The following TAL1 variants were observed in gnomAD, a reference collection of about 807,000 sequenced individuals.
TAL1 encodes TAL bHLH transcription factor 1, erythroid differentiation factor.
Under a neutral mutation model 17.9 loss-of-function variants are expected in TAL1, and 8 were observed. The observed-to-expected ratio is 0.45, with a 90% confidence interval of 0.26 to 0.81. The LOEUF (loss-of-function observed/expected upper bound fraction) is 0.81, where lower values mean the gene tolerates loss of function less well. Ranked by LOEUF, TAL1 falls within the 30% of genes least tolerant of loss-of-function variation. The probability of loss-of-function intolerance (pLI) is 0.17; values close to 1 mark genes in which losing one functional copy is unlikely to be tolerated. For missense variants in TAL1, 466 were observed against 486.9 expected (o/e 0.96, Z 0.40); for synonymous variants, 223 against 218.6 (o/e 1.02, Z -0.18).
chr1:47,228,237 T>C, intron 1 of TAL1: 1 of 171,600 alleles, frequency 5.8e-6, no homozygotes, highest in Non-Finnish European at 1.3e-5. Flanking sequence ...TCCTGCCGGT[T>C]TAGGATTACC....
At position 47,223,927 on chromosome 1, in the gene TAL1, G is replaced by A. The variant is rs967234149; in HGVS notation, c.541+77C>T. The A allele has an allele frequency of 1.2e-5, 17 of 1,390,008 alleles. 1 individual carries two copies. In the African/African-American group the frequency reaches 1.4e-4, roughly 12 times the overall value. 86.1% of individuals were successfully genotyped at this position (1,390,008 alleles called of 1,614,324 possible). A position where few individuals can be genotyped will look rare whatever the true frequency, so the allele number is the denominator to read the frequency against. ...ATCTTTGTGAGATACCTACGGAGTAGTCCCAGATGTTCCCTCCTCCAGAGG... is the reference window on the plus strand; with the variant it reads ...ATCTTTGTGAGATACCTACGGAGTAATCCCAGATGTTCCCTCCTCCAGAGG... On this transcript the variant is annotated intron_variant, in intron 3 of 3. Transcript: ENST00000294339.
Position 47,217,004 on chromosome 1 carries a change from T to C in TAL1, c.*2716A>G, listed in dbSNP as rs1424282444. 1.3e-5 allele frequency: 3 copies of C among 231,772 alleles called. No individual in the cohort carries two copies. The East Asian group carries it at 1.8e-4, about 14-fold the overall frequency. The allele number at this position is 231,772 out of a possible 1,614,324, so 14.4% of individuals were successfully genotyped here. A position where few individuals can be genotyped will look rare whatever the true frequency, so the allele number is the denominator to read the frequency against. On this transcript the variant is annotated 3_prime_UTR_variant, in exon 4 of 4. Coordinates refer to ENST00000294339, the Ensembl canonical transcript of TAL1. Reference sequence around the variant, plus strand: ...CCAGGCTTGTTTTGGGTAGTTGCATTACATTTTACACAGTCTGCCAGTGTT... The same window carrying C: ...CCAGGCTTGTTTTGGGTAGTTGCATCACATTTTACACAGTCTGCCAGTGTT...
chr1:47,218,506 C>T (rs1645544268), exon 4 of TAL1: 1 of 232,814 alleles, frequency 4.3e-6, no homozygotes, highest in Non-Finnish European at 8.5e-6. Flanking sequence ...CCAGACGCAC[C>T]CTTGATGACC....
At chr1:47,219,581 C>T (rs779625727) in exon 4 of TAL1, 1 of 1,395,780 alleles carries the variant, frequency 7.2e-7, no homozygotes, top group Non-Finnish European at 9.8e-7. Flanking sequence ...TAAAGGCTTC[C>T]CAAAGTTCAG....
chr1:47,218,652 C>T lies in TAL1; in HGVS notation c.*1068G>A, dbSNP rs745512545. On this transcript the variant is annotated 3_prime_UTR_variant, in exon 4 of 4. Coordinates refer to ENST00000294339, the Ensembl canonical transcript of TAL1. ...GGCTGGATCCTGGTCCTATTGAGCGCTAAAGATTCCACCAATAACTGAAGT... is the reference window on the plus strand; with the variant it reads ...GGCTGGATCCTGGTCCTATTGAGCGTTAAAGATTCCACCAATAACTGAAGT... 1.5e-4 allele frequency: 36 copies of T among 232,870 alleles called. No individual in the cohort carries two copies. In the South Asian group the frequency reaches 2.0e-3, roughly 13 times the overall value. 14.4% of individuals were successfully genotyped at this position (232,870 alleles called of 1,614,324 possible). A position where few individuals can be genotyped will look rare whatever the true frequency, so the allele number is the denominator to read the frequency against.
chr1:47,225,447 C>A (rs1643892260), exon 2 of TAL1: 1 of 1,231,382 alleles, frequency 8.1e-7, no homozygotes, highest in East Asian at 3.2e-5. Flanking sequence ...CCTGACCTGC[C>A]GAGAGAGGCC....
At chr1:47,219,465 G>A (rs1280113588) in exon 4 of TAL1, 1 of 682,632 alleles carries the variant, frequency 1.5e-6, no homozygotes, top group Admixed American at 2.0e-5. Context: ...TGGGACTGAG[G>A]GAAGAGGGAA....
chr1:47,217,387 TCACACA>T (rs143131127), exon 4 of TAL1: 2 of 353,222 alleles, frequency 5.7e-6, no homozygotes, highest in Non-Finnish European at 1.0e-5. Context: ...ACACCGTCTC[TCACACA>T]CACACACACA....
At chr1:47,228,407 C>G in intron 1 of TAL1, 1 of 193,630 alleles carries the variant, frequency 5.2e-6, no homozygotes, top group Non-Finnish European at 1.1e-5. Flanking sequence ...TAGACTGAAT[C>G]GTTCTAGAGT....
exon 4 of TAL1, chr1:47,220,068 T>A: frequency 6.2e-7 from 1 of 1,613,912 alleles, no homozygotes; most frequent in Non-Finnish European, 8.5e-7. Flanking sequence ...CCGGGGGATG[T>A]GTGGGGATCA....
At chr1:47,217,889 C>T (rs1444159912) in exon 4 of TAL1, 1 of 397,466 alleles carries the variant, frequency 2.5e-6, no homozygotes, top group East Asian at 3.6e-5. Flanking sequence ...GGAACCAACC[C>T]TAATTTTCAC....
chr1:47,226,145 C>T, intron 1 of TAL1: 1 of 464,622 alleles, frequency 2.2e-6, no homozygotes, highest in Non-Finnish European at 3.8e-6. Context: ...GCCAAAAGGA[C>T]AGAGATGGAG....
chr1:47,218,427 G>T (rs190651980), exon 4 of TAL1: 3 of 232,734 alleles, frequency 1.3e-5, no homozygotes, highest in Non-Finnish European at 2.5e-5. Context: ...GAAGGATAAG[G>T]ATGTGATTTA....
At chr1:47,221,334 C>T (rs937331300) in intron 3 of TAL1, among the ~76,000 whole-genome samples, 2 of 152,210 alleles carry the variant, frequency 1.3e-5, no homozygotes, top group Non-Finnish European at 2.9e-5. Context: ...TCAGTCTCCT[C>T]ATGTCTACAA....
At chr1:47,222,958 A>G (rs1174387969) in intron 3 of TAL1, among the ~76,000 whole-genome samples, 1 of 152,082 alleles carries the variant, frequency 6.6e-6, no homozygotes, top group Non-Finnish European at 1.5e-5. Context: ...ACTCCTCTCT[A>G]ATCTAGCAGA....
exon 2 of TAL1, chr1:47,225,474 T>G: frequency 8.1e-7 from 1 of 1,234,644 alleles, no homozygotes; most frequent in South Asian, 4.1e-5. Flanking sequence ...TGGCTGAGGC[T>G]GTAGAGCAGC....
At position 47,223,760 on chromosome 1, in the gene TAL1, C is replaced by G. The variant is rs77088951; in HGVS notation, c.541+244G>C. 4.0e-4 allele frequency: 188 copies of G among 473,930 alleles called. 1 individual carries two copies. The East Asian group carries it at 5.9e-3, about 15-fold the overall frequency. 29.4% of individuals were successfully genotyped at this position (473,930 alleles called of 1,614,324 possible). A position where few individuals can be genotyped will look rare whatever the true frequency, so the allele number is the denominator to read the frequency against. ...TAACTCCAGAGGTTTGGGCTAAGCG[C>G]CATTATGTGTCTCTCTCCCATGCCT... On this transcript the variant is annotated intron_variant, in intron 3 of 3. Coordinates refer to ENST00000294339, the Ensembl canonical transcript of TAL1.
chr1:47,226,270 T>C, intron 1 of TAL1: 1 of 208,910 alleles, frequency 4.8e-6, no homozygotes, highest in East Asian at 1.1e-4. Flanking sequence ...CTCTGTCCCC[T>C]TTCTCAGGCC....
At chr1:47,222,149 T>C (rs1037127642) in intron 3 of TAL1, among the ~76,000 whole-genome samples, 6 of 152,198 alleles carry the variant, frequency 3.9e-5, no homozygotes, top group Non-Finnish European at 7.4e-5. Context: ...CCCTCCACCA[T>C]GGCTAATGCT....
Sources: gnomAD v4.1 joint callset for allele counts (sites outside exome capture counted in the v4.1 genomes callset) on GRCh38, gnomAD v4.1.1 for gene constraint, MANE v1.5 for transcripts, NCBI Gene and HGNC (gene_info 2026-07-23, HGNC 2026-07-21) for gene names.